COG6: variants seen among roughly 807,000 people sequenced by gnomAD.
COG6 encodes the protein component of oligomeric golgi complex 6.
COG6 carries 74 observed loss-of-function variants against 88.8 expected under a neutral mutation model. The observed-to-expected ratio is 0.83, with a 90% CI of 0.69 to 1.01. COG6 has a LOEUF of 1.01. COG6 is among the 50% of genes least tolerant of loss of function. The probability of loss-of-function intolerance (pLI) is 0.00; values close to 1 mark genes in which losing one functional copy is unlikely to be tolerated. For missense variants in COG6, 800 were observed against 797.9 expected, an observed-to-expected ratio of 1.00 and a Z score of -0.03; for synonymous variants, 286 against 278.7, an observed-to-expected ratio of 1.03 and a Z score of -0.26.
chr13:39,724,678 T>A, intron 17 of COG6, 117 bp downstream of exon 17: 1 of 777,960 alleles, frequency 1.3e-6, no homozygotes, highest in Middle Eastern at 3.6e-4. Context: ...CATGCTGTAT[T>A]AACGTTGGGT....
At chr13:39,747,898 CTACATT>C (rs1309630622) in intron 18 of COG6, among the ~76,000 whole-genome samples, 3 of 152,142 alleles carry the variant, frequency 2.0e-5, no homozygotes, top group Non-Finnish European at 2.9e-5. Context: ...AAGTTAAATA[CTACATT>C]TACAAGTTAC....
chr13:39,673,387 A>G (rs1302011443), intron 4 of COG6, among the ~76,000 whole-genome samples: 1 of 152,062 alleles, frequency 6.6e-6, no homozygotes, highest in East Asian at 1.9e-4. Context: ...AATGCTGACA[A>G]GAAAACAACC....
intron 15 of COG6, among the ~76,000 whole-genome samples, chr13:39,722,952 A>G (rs1212141182): frequency 6.6e-6 from 1 of 152,098 alleles, no homozygotes; most frequent in Non-Finnish European, 1.5e-5. Flanking sequence ...AAGTCAGTCT[A>G]GAAAGTTGGG....
At chr13:39,712,844 T>G (rs1311415240) in intron 13 of COG6, among the ~76,000 whole-genome samples, 1 of 152,248 alleles carries the variant, frequency 6.6e-6, no homozygotes, top group Non-Finnish European at 1.5e-5. Flanking sequence ...AGTACTTGCA[T>G]GCCTGCTGTA....
chr13:39,677,086 TGAAAA>T (rs1463440936), intron 4 of COG6, among the ~76,000 whole-genome samples: 2 of 152,200 alleles, frequency 1.3e-5, no homozygotes, highest in African/African-American at 4.8e-5. Flanking sequence ...TTTTAGTGAC[TGAAAA>T]GAAATTGGTT....
At chr13:39,778,501 T>C (rs1881529855) in intron 18 of COG6, among the ~76,000 whole-genome samples, 2 of 152,200 alleles carry the variant, frequency 1.3e-5, no homozygotes, top group African/African-American at 2.4e-5. Context: ...TTATTGATAA[T>C]CTCCTTAGTA....
rs144668778 is a variant in COG6, at chr13:39,738,959, G to A, written c.1826+11411G>A. Among the ~76,000 whole-genome samples, 522 of 152,178 alleles carry A rather than the reference G, an allele frequency of 3.4e-3. 4 individuals are homozygous for A. Among genetic ancestry groups the A allele is most frequent in the African/African-American group, 0.012 (499 of 41,532 alleles). Reference sequence around the variant, plus strand: ...TAGATATTTCTGCATAGTCCTCTCAGTAATTGATACAAAAAAATAGGAAAT... The same window carrying A: ...TAGATATTTCTGCATAGTCCTCTCAATAATTGATACAAAAAAATAGGAAAT... On this transcript the variant is annotated intron_variant, in intron 18 of 18. Transcript: ENST00000455146.
intron 18 of COG6, among the ~76,000 whole-genome samples, chr13:39,767,882 A>G (rs1881213283): frequency 6.6e-6 from 1 of 152,198 alleles, no homozygotes; most frequent in Non-Finnish European, 1.5e-5. Context: ...AAGCATTGCT[A>G]AACTGGAGCT....
intron 18 of COG6, among the ~76,000 whole-genome samples, chr13:39,745,918 T>C (rs1880318895): frequency 6.6e-6 from 1 of 152,036 alleles, no homozygotes. Context: ...AAAGGATGAG[T>C]TCATGTCCTT....
intron 18 of COG6, among the ~76,000 whole-genome samples, chr13:39,750,007 A>G (rs1235752390): frequency 6.6e-6 from 1 of 152,200 alleles, no homozygotes; most frequent in East Asian, 1.9e-4. Flanking sequence ...TACTCCAGGC[A>G]AGAGGTCATT....
chr13:39,679,557 G>A lies in COG6; in HGVS notation c.560G>A (p.Gly187Glu). Residue 187 changes from glycine (G) to glutamate (E), a missense_variant, in exon 6 of 19, where the codon GGA (glycine) becomes GAA (glutamate). Physicochemically the swap from Gly to Glu is moderately conservative, Grantham distance 98. Coordinates refer to ENST00000455146, the MANE Select transcript of COG6 (RefSeq NM_020751.3). ...TTAAAGGATTTTTTCAAGGCACTGG[G>A]AAGAGTAAAACAGATTCATAATGAT... ...PITEDFFKAL[G>E]RVKQIHNDVK... The A allele has an allele frequency of 6.3e-7, 1 of 1,594,060 alleles. No individual in the cohort carries two copies. Among genetic ancestry groups the A allele is most frequent in the Non-Finnish European group, 8.6e-7 (1 of 1,162,590 alleles).
chr13:39,690,359 C>T (rs555496999), intron 11 of COG6, among the ~76,000 whole-genome samples: 11 of 152,144 alleles, frequency 7.2e-5, no homozygotes, highest in African/African-American at 2.6e-4. Context: ...ATCCGCTTAA[C>T]TCTTCTGCAC....
At chr13:39,707,048 A>C (rs986462904) in intron 13 of COG6, among the ~76,000 whole-genome samples, 6 of 152,130 alleles carry the variant, frequency 3.9e-5, no homozygotes. Flanking sequence ...AAAATATTCA[A>C]ATTTTGAAAT....
At chr13:39,765,618 T>C (rs527678615) in intron 18 of COG6, among the ~76,000 whole-genome samples, 1 of 152,338 alleles carries the variant, frequency 6.6e-6, no homozygotes, top group African/African-American at 2.4e-5. Flanking sequence ...GTGAATCCTT[T>C]TTTTAACTGT....
chr13:39,755,609 C>T (rs1359124102), downstream of COG6, among the ~76,000 whole-genome samples: 6 of 152,166 alleles, frequency 3.9e-5, no homozygotes, highest in Non-Finnish European at 5.9e-5. Context: ...CTAGAAGGCT[C>T]TGTGCATGTT....
chr13:39,724,427 A>T, intron 16 of COG6, 81 bp from the exon 17 acceptor site: 1 of 1,106,190 alleles, frequency 9.0e-7, no homozygotes, highest in Non-Finnish European at 1.4e-6. Flanking sequence ...GCACTAATGA[A>T]CTATATTCAG....
intron 1 of COG6, chr13:39,656,963 A>G (rs914114471): frequency 2.2e-6 from 1 of 449,500 alleles, no homozygotes; most frequent in African/African-American, 2.0e-5. Flanking sequence ...AAATTTATGA[A>G]GTGTTTAATG....
At chr13:39,766,675 T>C (rs1881175290) in intron 18 of COG6, among the ~76,000 whole-genome samples, 1 of 152,196 alleles carries the variant, frequency 6.6e-6, no homozygotes, top group Admixed American at 6.5e-5. Context: ...CAAGATTTTC[T>C]AATTCTTTCT....
chr13:39,781,997 C>G (rs923442194), intron 18 of COG6, among the ~76,000 whole-genome samples: 2 of 152,182 alleles, frequency 1.3e-5, no homozygotes, highest in South Asian at 2.1e-4. Flanking sequence ...TGAACTTGTT[C>G]TTTCCCAGCT....
Sources: allele counts gnomAD v4.1 joint callset (sites outside exome capture counted in the v4.1 genomes callset), GRCh38; gene constraint gnomAD v4.1.1; transcripts MANE v1.5; gene names NCBI Gene and HGNC (gene_info 2026-07-23, HGNC 2026-07-21).